NOXA1: variants seen among roughly 807,000 people sequenced by gnomAD.
NOXA1 encodes NADPH oxidase activator 1.
Under a neutral mutation model 64.8 loss-of-function variants are expected in NOXA1, and 56 were observed. That is an observed-to-expected ratio of 0.86 (90% CI 0.70 to 1.08). NOXA1 has a LOEUF of 1.08. Among genes scored for constraint, NOXA1 ranks in the 50% least tolerant of loss-of-function variants. NOXA1 has a pLI of 0.00. For missense variants in NOXA1, 668 were observed against 658.5 expected (o/e 1.01, Z -0.16); for synonymous variants, 295 against 294.8 (o/e 1.00, Z -0.01).
rs1270788273 is a variant in NOXA1 at position 137,426,334 on chromosome 9, A to C, written c.260+4A>C. On this transcript the variant is annotated splice_donor_region_variant and intron_variant, in intron 2 of 13. Transcript: ENST00000683555. ...TGGCCAACTTCCAGCTGGCAAGGTGAGTACAGGGGTGCCTTGTTCCTTCTC... is the reference window on the plus strand; with the variant it reads ...TGGCCAACTTCCAGCTGGCAAGGTGCGTACAGGGGTGCCTTGTTCCTTCTC... 1.9e-6 allele frequency: 3 copies of C among 1,613,218 alleles called. No homozygotes were observed. Among genetic ancestry groups the C allele is most frequent in the Non-Finnish European group, 2.5e-6 (3 of 1,179,542 alleles).
chr9:137,426,256 C>A lies in NOXA1; in HGVS notation c.186C>A (p.Asp62Glu). The A allele has an allele frequency of 1.2e-6, 2 of 1,613,760 alleles. No individual in the cohort carries two copies. Among genetic ancestry groups the A allele is most frequent in the Non-Finnish European group, 1.7e-6 (2 of 1,179,958 alleles). Residue 62 changes from aspartate (D) to glutamate (E), a missense_variant, in exon 2 of 14, where the codon GAC becomes GAA. Transcript: ENST00000683555. ...GGCATTTTTGTCCCCAGGCATTTGA[C>A]CAAGCCGTGACCAAGGACACCTGCA... Reference protein sequence around the residue: ...GDPEAALRAFDQAVTKDTCMA... With the variant: ...GDPEAALRAFEQAVTKDTCMA...
In NOXA1 at chr9:137,428,017, C is replaced by T. The variant is rs755398459; in HGVS notation, c.261-16C>T. The T allele has an allele frequency of 1.9e-6, 3 of 1,543,682 alleles. No homozygotes were observed. Among genetic ancestry groups the T allele is most frequent in the Non-Finnish European group, 1.8e-6 (2 of 1,140,054 alleles). On this transcript the variant is annotated splice_polypyrimidine_tract_variant and intron_variant, in intron 2 of 13. Coordinates refer to ENST00000683555, the MANE Select transcript of NOXA1 (RefSeq NM_001256067.2). ...TCTCCGCCCTGTGCTGCTGAGGGGA[C>T]CCCGGCTGCCCACAGGTTCCAGGAG...
Position 137,433,403 on chromosome 9 carries a change from C to T in NOXA1, c.910-50C>T, listed in dbSNP as rs1024762463. 8.4e-6 allele frequency: 13 copies of T among 1,554,622 alleles called. No homozygotes were observed. The Admixed American group carries it at 1.3e-4, about 15-fold the overall frequency. ...CCCCTCGGGCTGAAGACGGCCCTGA[C>T]CAGGCCCTGGGCCTCAGCGACCACC... On this transcript the variant is annotated intron_variant, in intron 10 of 13. Transcript: ENST00000683555.
rs957690420 is a variant in NOXA1 at position 137,423,552 on chromosome 9, T to C, written c.23T>C (p.Val8Ala). 1 of 1,445,184 alleles carries C rather than the reference T, an allele frequency of 6.9e-7. No homozygotes were observed. Among genetic ancestry groups the C allele is most frequent in the Non-Finnish European group, 9.1e-7 (1 of 1,096,638 alleles). The allele number at this position is 1,445,184 out of a possible 1,614,324, so 89.5% of individuals were successfully genotyped here. The change falls in exon 1 of 14, where the codon GTG becomes GCG. Residue 8 changes from valine (V) to alanine (A), a missense_variant. Val to Ala is a moderately conservative substitution (Grantham distance 64, BLOSUM62 0). Transcript: ENST00000683555. ...GCCATGGCCTCTCTGGGGGACCTGG[T>C]GCGCGCCTGGCACCTGGGCGCGCAG... MASLGDL[V>A]RAWHLGAQAV...
chr9:137,432,815 C>T (rs926792111), intron 8 of NOXA1, among the ~76,000 whole-genome samples: 1 of 152,202 alleles, frequency 6.6e-6, no homozygotes, highest in Non-Finnish European at 1.5e-5. Flanking sequence ...GGGGCGCTCC[C>T]TCCTGGTGAC....
chr9:137,431,058 T>A lies in NOXA1; in HGVS notation c.673-17T>A. 6.2e-7 allele frequency: 1 copy of A among 1,613,294 alleles called. No homozygotes were observed. The highest frequency in any genetic ancestry group is 1.1e-5 in the South Asian group (1 of 91,092). On this transcript the variant is annotated splice_polypyrimidine_tract_variant and intron_variant, in intron 6 of 13. Transcript: ENST00000683555. This position sits in a 1 kb window ranked among gnomAD's most constrained non-coding sequence, Gnocchi z 5.6. The stretch of plus-strand genomic sequence containing the variant: ...CCGACCCTTAACCAGAGCGAGGTTG[T>A]TGCTTTGTGTCCACAGGGACCAGGA...
rs766355966 is a variant in NOXA1, at chr9:137,431,125, C to T, written c.698+25C>T. 9.3e-6 allele frequency: 15 copies of T among 1,612,716 alleles called. No individual in the cohort carries two copies. Among genetic ancestry groups the T allele is most frequent in the Middle Eastern group, 1.6e-4 (1 of 6,078 alleles). On this transcript the variant is annotated intron_variant, in intron 7 of 13. Transcript: ENST00000683555. The surrounding 1 kb of genome is among the most constrained non-coding windows in gnomAD (Gnocchi z 5.6). ...GGTAGGAGGGGCTGACTGGGCCCTG[C>T]GAGCGCGTGCCTTTCCTGCTGGGCA...
chr9:137,423,908 G>C (rs1383481460), intron 1 of NOXA1, among the ~76,000 whole-genome samples: 1 of 152,158 alleles, frequency 6.6e-6, no homozygotes, highest in African/African-American at 2.4e-5. Context: ...CACCGGGAGA[G>C]GCCGGGGCCC....
In NOXA1 at chr9:137,430,798, C is replaced by T; in HGVS notation, c.627C>T (p.Ala209=). 1 of 1,595,372 alleles carries T rather than the reference C, an allele frequency of 6.3e-7. No individual in the cohort carries two copies. Among genetic ancestry groups the T allele is most frequent in the East Asian group, 2.2e-5 (1 of 44,716 alleles). Residue 209 remains alanine, a synonymous_variant, in exon 6 of 14, where the codon GCC becomes GCT. Transcript: ENST00000683555. The part of the protein sequence containing the change: ...FLGKAKVVAS[A]IPDDQGWGVR... Reference sequence around the variant, plus strand: ...GTCCCCGCCAGGTGGTGGCCTCTGCCATCCCCGACGACCAGGGCTGGGGCG... The same window carrying T: ...GTCCCCGCCAGGTGGTGGCCTCTGCTATCCCCGACGACCAGGGCTGGGGCG...
At position 137,423,934 on chromosome 9, in the gene NOXA1, C is replaced by T. The variant is rs369639681; in HGVS notation, c.177+228C>T. Among the ~76,000 whole-genome samples the T allele has an allele frequency of 2.2e-4, 33 of 152,244 alleles. No individual in the cohort carries two copies. In the East Asian group the frequency reaches 4.5e-3, roughly 21 times the overall value. On this transcript the variant is annotated intron_variant, in intron 1 of 13. Coordinates refer to ENST00000683555, the MANE Select transcript of NOXA1 (RefSeq NM_001256067.2). ...GCCGGGGCCCGAGGGTGACTCACAC[C>T]GGGAAGGGGGAAGCTGCTGGGCTGG...
intron 5 of NOXA1, among the ~76,000 whole-genome samples, chr9:137,429,850 G>A (rs1250677761): frequency 4.3e-5 from 1 of 23,042 alleles, no homozygotes; most frequent in Non-Finnish European, 8.5e-5. Flanking sequence ...GCGAGGTCCC[G>A]GGGGGGGGGG....
chr9:137,430,015 C>CG (rs1297929458), intron 5 of NOXA1, among the ~76,000 whole-genome samples: 36 of 113,616 alleles, frequency 3.2e-4, no homozygotes, highest in South Asian at 6.1e-4. Flanking sequence ...AGCGAGGTCC[C>CG]GGGGGGGGTG....
At chr9:137,426,965 T>C (rs1012277347) in intron 2 of NOXA1, among the ~76,000 whole-genome samples, 6 of 152,020 alleles carry the variant, frequency 3.9e-5, no homozygotes, top group Non-Finnish European at 8.8e-5. Flanking sequence ...CCTGGCTAAT[T>C]TTTGTATTTT....
At position 137,434,298 on chromosome 9, in the gene NOXA1, G is replaced by A. The variant is rs144777481; in HGVS notation, c.1369G>A (p.Gly457Ser). The A allele has an allele frequency of 1.1e-4, 170 of 1,610,550 alleles. No homozygotes were observed. Among genetic ancestry groups the A allele is most frequent in the Middle Eastern group, 1.6e-4 (1 of 6,078 alleles). Residue 457 changes from glycine (G) to serine (S), a missense_variant, in exon 14 of 14, where the codon GGC becomes AGC. Coordinates refer to ENST00000683555, the MANE Select transcript of NOXA1 (RefSeq NM_001256067.2). ...CCCCAAGTGCTTCGTGGTCCCCGCC[G>A]GCCCTCGGATGTCAGGAGCCCCCGG... The part of the protein sequence containing the change: ...IFPKCFVVPA[G>S]PRMSGAPGRL...
At chr9:137,429,202 A>G in intron 4 of NOXA1, 74 bp from the exon 5 acceptor site, 2 of 1,360,752 alleles carry the variant, frequency 1.5e-6, no homozygotes, top group Non-Finnish European at 2.0e-6. Context: ...TTCTGCTCCA[A>G]GGCACAGGGG....
chr9:137,424,588 C>G (rs1838761020), intron 1 of NOXA1, among the ~76,000 whole-genome samples: 1 of 152,062 alleles, frequency 6.6e-6, no homozygotes, highest in African/African-American at 2.4e-5. Context: ...TACAGGCGCC[C>G]ACTACCACGC....
intron 10 of NOXA1, 50 bp downstream of exon 10, chr9:137,433,313 G>C (rs929156651): frequency 6.6e-7 from 1 of 1,509,140 alleles, no homozygotes. Context: ...GGAGGCTGAG[G>C]CCAAGCCCCA....
At position 137,430,771 on chromosome 9, in the gene NOXA1, C is replaced by A; in HGVS notation, c.613-13C>A. 6.3e-7 allele frequency: 1 copy of A among 1,590,544 alleles called. No individual in the cohort carries two copies. The highest frequency in any genetic ancestry group is 2.2e-5 in the East Asian group (1 of 44,684). ...GCTGATCCCTGACCCAGCGTCCCCA[C>A]TGTCCCCGCCAGGTGGTGGCCTCTG... On this transcript the variant is annotated splice_polypyrimidine_tract_variant and intron_variant, in intron 5 of 13. Transcript: ENST00000683555.
chr9:137,432,813 C>T (rs984567292), intron 8 of NOXA1, among the ~76,000 whole-genome samples: 2 of 152,214 alleles, frequency 1.3e-5, no homozygotes, highest in African/African-American at 2.4e-5. Flanking sequence ...ACGGGGCGCT[C>T]CCTCCTGGTG....
Sources: allele counts gnomAD v4.1 joint callset (sites outside exome capture counted in the v4.1 genomes callset), GRCh38; gene constraint gnomAD v4.1.1; non-coding constraint Gnocchi (gnomAD v3.1); transcripts MANE v1.5; gene names NCBI Gene and HGNC (gene_info 2026-07-23, HGNC 2026-07-21).